Variants in WIPF1 observed in about 807,000 individuals in gnomAD.
WIPF1 encodes WAS/WASL interacting protein family member 1, also known as WAS/WASL-interacting protein family member 1.
Under a neutral mutation model 35.4 loss-of-function variants are expected in WIPF1, and 13 were observed. The observed-to-expected ratio is 0.37, with a 90% CI of 0.24 to 0.58. The LOEUF (loss-of-function observed/expected upper bound fraction) is 0.58, where lower values mean the gene tolerates loss of function less well. Ranked by LOEUF, WIPF1 falls within the 20% of genes least tolerant of loss-of-function variation. The pLI, the probability that WIPF1 is intolerant of heterozygous loss-of-function variation, is 0.74. For synonymous variants in WIPF1, 267 were observed against 266.3 expected (o/e 1.00, Z -0.02); for missense variants, 591 against 667.0 (o/e 0.89, Z 1.25).
Position 174,590,584 on chromosome 2 carries a change from G to A in WIPF1, c.-38-4973C>T, listed in dbSNP as rs967837801. Among the ~76,000 whole-genome samples, 3 of 152,114 alleles carry A rather than the reference G, an allele frequency of 2.0e-5. No individual in the cohort carries two copies. Among genetic ancestry groups the A allele is most frequent in the Admixed American group, 2.0e-4 (3 of 15,280 alleles). ...TCGGGTGCAGGAGAGACGCAAGAAGGGAAGGGACTCAGCAGCAGTTTCCCA... is the reference window on the plus strand; with the variant it reads ...TCGGGTGCAGGAGAGACGCAAGAAGAGAAGGGACTCAGCAGCAGTTTCCCA... On this transcript the variant is annotated intron_variant, in intron 1 of 7. Coordinates refer to ENST00000679041, the MANE Select transcript of WIPF1 (RefSeq NM_001375834.1). This position sits in a 1 kb window ranked among gnomAD's most constrained non-coding sequence, Gnocchi z 4.6.
intron 1 of WIPF1, among the ~76,000 whole-genome samples, chr2:174,679,045 A>C (rs969527279): frequency 5.3e-5 from 8 of 152,194 alleles, no homozygotes; most frequent in African/African-American, 1.9e-4. Context: ...GCTAATGCTA[A>C]TAATAATAAT....
At chr2:174,657,773 G>A (rs1687674263) in intron 1 of WIPF1, among the ~76,000 whole-genome samples, 2 of 152,074 alleles carry the variant, frequency 1.3e-5, no homozygotes, top group Admixed American at 1.3e-4. Flanking sequence ...AGCTGGGCGT[G>A]GTGGTGCATG....
At chr2:174,599,192 C>G (rs1685913744), upstream of WIPF1, among the ~76,000 whole-genome samples, 1 of 151,932 alleles carries the variant, frequency 6.6e-6, no homozygotes, top group Non-Finnish European at 1.5e-5. Context: ...GGGTGGTGAG[C>G]AGTGAGTGGG....
In WIPF1 at chr2:174,674,903, TACACACACACACACACACAC is replaced by T. The variant is rs35062209; in HGVS notation, c.-39+7851_-39+7870del. On this transcript the variant is annotated intron_variant, in intron 1 of 8. Transcript: ENST00000272746. ...GCTTCTGTAAGTTGGCAGGTTCAAA[TACACACACACACACACACAC>T]ACACACACACACACACACACACACA... Among the ~76,000 whole-genome samples, 472 of 134,022 alleles carry T rather than the reference TACACACACACACACACACAC, an allele frequency of 3.5e-3. 4 individuals carry two copies. Among genetic ancestry groups the T allele is most frequent in the African/African-American group, 0.013 (449 of 35,198 alleles). The allele number at this position is 134,022 out of a possible 152,430, so 87.9% of individuals were successfully genotyped here.
At chr2:174,637,741 T>C (rs1309457794) in intron 1 of WIPF1, among the ~76,000 whole-genome samples, 1 of 152,140 alleles carries the variant, frequency 6.6e-6, no homozygotes, top group African/African-American at 2.4e-5. Flanking sequence ...GAGTCGAGAT[T>C]GCGCCACTGC....
Position 174,682,065 on chromosome 2 carries a change from AAGGT to A in WIPF1, c.-39+705_-39+708del, listed in dbSNP as rs1460018559. On this transcript the variant is annotated intron_variant, in intron 1 of 8. Transcript: ENST00000272746. Reference sequence around the variant, plus strand: ...AAAAGAAAAGTATGTATAGTAGAAAAAGGTAGGGGACGCGAGACTGAAGTGAAGC... The same window carrying A: ...AAAAGAAAAGTATGTATAGTAGAAAAAGGGGACGCGAGACTGAAGTGAAGC... Among the ~76,000 whole-genome samples the A allele has an allele frequency of 7.2e-5, 11 of 152,346 alleles. No homozygotes were observed. In the East Asian group the frequency reaches 1.7e-3, roughly 24 times the overall value.
At chr2:174,583,990 A>AT (rs1574806441) in intron 2 of WIPF1, among the ~76,000 whole-genome samples, 1 of 151,946 alleles carries the variant, frequency 6.6e-6, no homozygotes, top group Non-Finnish European at 1.5e-5. Flanking sequence ...TGGCTGGCTA[A>AT]TTTTTAACAT....
chr2:174,662,249 A>T (rs766200900), intron 1 of WIPF1, among the ~76,000 whole-genome samples: 2 of 152,260 alleles, frequency 1.3e-5, no homozygotes, highest in Non-Finnish European at 2.9e-5. Context: ...TGTTTAGGGA[A>T]TAATGACTAT....
intron 1 of WIPF1, among the ~76,000 whole-genome samples, chr2:174,670,366 G>C (rs540806421): frequency 6.6e-5 from 10 of 152,284 alleles, no homozygotes; most frequent in Admixed American, 1.3e-4. Flanking sequence ...GCTTCTATTA[G>C]GATTCTGCTA....
chr2:174,590,370 C>T lies in WIPF1; in HGVS notation c.-38-4759G>A, dbSNP rs1410493026. The stretch of plus-strand genomic sequence containing the variant: ...GTCCTTCAGAGGGTGAGGATGGGTC[C>T]TGCTGGTACAAGCTGCTGAGTGCCT... On this transcript the variant is annotated intron_variant, in intron 1 of 7. Transcript: ENST00000679041. The surrounding 1 kb of genome is among the most constrained non-coding windows in gnomAD (Gnocchi z 4.6). 6.6e-6 allele frequency among the ~76,000 whole-genome samples: 1 copy of T among 152,148 alleles called. No homozygotes were observed. The highest frequency in any genetic ancestry group is 1.5e-5 in the Non-Finnish European group (1 of 68,014).
rs1684685229 is a variant in WIPF1, at chr2:174,567,088, C to A, written c.1438G>T (p.Ala480Ser). The change falls in exon 7 of 8, where the codon GCA becomes TCA. Residue 480 changes from alanine to serine, a missense_variant. Physicochemically the swap from Ala to Ser is moderately conservative, Grantham distance 99. Coordinates refer to ENST00000679041, the MANE Select transcript of WIPF1 (RefSeq NM_001375834.1). ...TACTCACTCCGGCTTTCGTTTCTTG[C>A]CAGTTTGCTGGGATAACTTTTGGTC... is the stretch of plus-strand genomic sequence containing the variant. Reference protein sequence around the residue: ...QTTKSYPSKLARNESRSGSNR... With the variant: ...QTTKSYPSKLSRNESRSGSNR... The A allele has an allele frequency of 1.2e-6, 2 of 1,614,076 alleles. No homozygotes were observed. Among genetic ancestry groups the A allele is most frequent in the Admixed American group, 1.7e-5 (1 of 60,010 alleles).
intron 2 of WIPF1, among the ~76,000 whole-genome samples, chr2:174,582,661 G>A (rs1327131574): frequency 6.6e-6 from 1 of 152,174 alleles, no homozygotes; most frequent in Non-Finnish European, 1.5e-5. Context: ...GGGCTCAAGT[G>A]ATCCTCCTGC....
chr2:174,574,193 A>G (rs1287247345), intron 4 of WIPF1, among the ~76,000 whole-genome samples: 1 of 152,016 alleles, frequency 6.6e-6, no homozygotes, highest in Non-Finnish European at 1.5e-5. Context: ...TGCCTGGCCC[A>G]TTTTATTATT....
intron 1 of WIPF1, among the ~76,000 whole-genome samples, chr2:174,641,209 G>A (rs1332311206): frequency 6.6e-6 from 1 of 152,184 alleles, no homozygotes; most frequent in Non-Finnish European, 1.5e-5. Context: ...GAAGGATGAG[G>A]GAAGGTGTTA....
At chr2:174,611,153 C>A (rs1686331605) in intron 1 of WIPF1, among the ~76,000 whole-genome samples, 1 of 152,140 alleles carries the variant, frequency 6.6e-6, no homozygotes. Context: ...GCTTACACTC[C>A]TATCTGCGTT....
At chr2:174,568,138 T>TG in intron 5 of WIPF1, 65 bp from the exon 6 acceptor site, 2 of 1,525,030 alleles carry the variant, frequency 1.3e-6, no homozygotes, top group Non-Finnish European at 1.8e-6. Context: ...TGGTCACCAT[T>TG]GGTGTACAGC....
intron 7 of WIPF1, among the ~76,000 whole-genome samples, chr2:174,563,147 T>C (rs369739241): frequency 2.0e-5 from 3 of 152,376 alleles, no homozygotes; most frequent in African/African-American, 7.2e-5. Context: ...AATTAAAAAT[T>C]AGAAAGCTTT....
At chr2:174,585,708 G>T in intron 1 of WIPF1, 97 bp from the exon 2 acceptor site, 1 of 834,466 alleles carries the variant, frequency 1.2e-6, no homozygotes, top group Non-Finnish European at 1.9e-6. Flanking sequence ...GCTCCACCTA[G>T]CTCAACTCTT....
chr2:174,608,874 T>G (rs1686259186), intron 1 of WIPF1, among the ~76,000 whole-genome samples: 1 of 152,254 alleles, frequency 6.6e-6, no homozygotes, highest in South Asian at 2.1e-4. Context: ...TATCACCTGC[T>G]GGAGGACAGA....
Sources: allele counts gnomAD v4.1 joint callset (sites outside exome capture counted in the v4.1 genomes callset), GRCh38; gene constraint gnomAD v4.1.1; non-coding constraint Gnocchi (gnomAD v3.1); transcripts MANE v1.5; gene names NCBI Gene and HGNC (gene_info 2026-07-23, HGNC 2026-07-21).